The following TRPC1 variants were observed in gnomAD, a reference collection of about 807,000 sequenced individuals.
The protein encoded by TRPC1 is short transient receptor potential channel 1.
Under a neutral mutation model 88.2 loss-of-function variants are expected in TRPC1, and 42 were observed. The ratio of observed to expected loss-of-function variants is 0.48; its 90% CI spans 0.37 to 0.62. The LOEUF is 0.62. Among genes scored for constraint, TRPC1 ranks in the 20% least tolerant of loss-of-function variants. The probability of loss-of-function intolerance (pLI) is 0.00; values close to 1 mark genes in which losing one functional copy is unlikely to be tolerated. For missense variants in TRPC1, 699 were observed against 957.3 expected (o/e 0.73, Z 3.56); for synonymous variants, 288 against 331.8 (o/e 0.87, Z 1.43).
intron 3 of TRPC1, 72 bp downstream of exon 3, chr3:142,743,658 T>C: frequency 2.2e-6 from 2 of 916,982 alleles, no homozygotes; most frequent in Non-Finnish European, 3.0e-6. Context: ...TTGCCATTTT[T>C]TCCTTCCCTC....
intron 1 of TRPC1, among the ~76,000 whole-genome samples, chr3:142,732,125 G>T (rs1250784742): frequency 6.6e-6 from 1 of 152,186 alleles, no homozygotes; most frequent in Non-Finnish European, 1.5e-5. Flanking sequence ...AGGGAAAAGA[G>T]TAAACAAGGA....
At chr3:142,734,636 CCTT>C (rs1934051725) in intron 1 of TRPC1, among the ~76,000 whole-genome samples, 1 of 151,934 alleles carries the variant, frequency 6.6e-6, no homozygotes, top group Non-Finnish European at 1.5e-5. Context: ...GGGTAGAAGT[CCTT>C]AGATTTAGAA....
At chr3:142,757,578 C>T (rs1170824263) in intron 4 of TRPC1, among the ~76,000 whole-genome samples, 3 of 149,490 alleles carry the variant, frequency 2.0e-5, no homozygotes, top group African/African-American at 7.4e-5. Flanking sequence ...TGTTCTCACT[C>T]ATAAGTGGGA....
chr3:142,731,717 G>A (rs1289323687), intron 1 of TRPC1, among the ~76,000 whole-genome samples: 3 of 152,098 alleles, frequency 2.0e-5, no homozygotes, highest in Admixed American at 6.6e-5. Flanking sequence ...AACTCTAGCT[G>A]TGGAGTGCAG....
At chr3:142,778,280 A>C (rs1010840318) in intron 5 of TRPC1, among the ~76,000 whole-genome samples, 1 of 152,204 alleles carries the variant, frequency 6.6e-6, no homozygotes, top group Non-Finnish European at 1.5e-5. Context: ...ATACATGTAA[A>C]CATAAAAATA....
intron 9 of TRPC1, among the ~76,000 whole-genome samples, chr3:142,800,918 G>A (rs9835955): frequency 0.39 from 52,438 of 134,384 alleles, 12,519 homozygotes; most frequent in African/African-American, 0.71. Flanking sequence ...GTCTTAAAAA[G>A]AAAGAAAAAA....
chr3:142,791,380 T>G (rs1936292378), intron 8 of TRPC1, among the ~76,000 whole-genome samples: 1 of 152,168 alleles, frequency 6.6e-6, no homozygotes, highest in African/African-American at 2.4e-5. Context: ...GGGACCATAG[T>G]TCACATTTGG....
intron 4 of TRPC1, among the ~76,000 whole-genome samples, chr3:142,755,545 T>C (rs1222713149): frequency 3.9e-5 from 6 of 152,244 alleles, no homozygotes; most frequent in Non-Finnish European, 8.8e-5. Context: ...CAGAATTCCA[T>C]TCATGTTTCC....
intron 4 of TRPC1, among the ~76,000 whole-genome samples, chr3:142,755,833 G>C (rs1429408724): frequency 6.6e-6 from 1 of 152,172 alleles, no homozygotes; most frequent in Non-Finnish European, 1.5e-5. Context: ...TTTAAAGTGT[G>C]TAACTATTAC....
intron 9 of TRPC1, among the ~76,000 whole-genome samples, chr3:142,796,446 A>G (rs1401423556): frequency 6.6e-6 from 1 of 152,106 alleles, no homozygotes; most frequent in Non-Finnish European, 1.5e-5. Flanking sequence ...ATGGCCACAC[A>G]GCACTCTACC....
chr3:142,756,777 T>A (rs1934982235), intron 4 of TRPC1, among the ~76,000 whole-genome samples: 1 of 152,212 alleles, frequency 6.6e-6, no homozygotes, highest in Admixed American at 6.5e-5. Context: ...AAAATTTTTT[T>A]ATTTCTTGTT....
intron 7 of TRPC1, among the ~76,000 whole-genome samples, chr3:142,786,881 T>G (rs1010704802): frequency 6.6e-6 from 1 of 152,168 alleles, no homozygotes; most frequent in Non-Finnish European, 1.5e-5. Flanking sequence ...TTTACCCCAG[T>G]CTGTATAAGA....
chr3:142,749,909 A>G (rs1934693234), intron 4 of TRPC1, among the ~76,000 whole-genome samples: 1 of 152,164 alleles, frequency 6.6e-6, no homozygotes, highest in Admixed American at 6.5e-5. Context: ...TACACCTTAT[A>G]CAAAAATTAA....
At chr3:142,766,730 A>C (rs544860957) in intron 4 of TRPC1, among the ~76,000 whole-genome samples, 1 of 152,208 alleles carries the variant, frequency 6.6e-6, no homozygotes, top group African/African-American at 2.4e-5. Context: ...CTGGACTCCA[A>C]GTTCTTCAGT....
intron 1 of TRPC1, among the ~76,000 whole-genome samples, chr3:142,726,174 A>G (rs2108001127): frequency 6.6e-6 from 1 of 152,308 alleles, no homozygotes; most frequent in East Asian, 1.9e-4. Flanking sequence ...TACTAAAATG[A>G]GTAAGTGCTG....
intron 7 of TRPC1, among the ~76,000 whole-genome samples, chr3:142,786,657 T>C (rs915047255): frequency 2.0e-5 from 3 of 152,174 alleles, no homozygotes; most frequent in African/African-American, 7.2e-5. Flanking sequence ...TGAAATATGT[T>C]TGTATTGCTA....
intron 9 of TRPC1, 90 bp downstream of exon 9, chr3:142,793,057 G>T (rs1936340795): frequency 1.8e-6 from 2 of 1,142,470 alleles, no homozygotes; most frequent in Non-Finnish European, 1.2e-6. Flanking sequence ...GTTCTCTCAT[G>T]ATATTAAAGC....
chr3:142,748,747 A>G lies in TRPC1; in HGVS notation c.632+287A>G, dbSNP rs543598919. Among the ~76,000 whole-genome samples the G allele has an allele frequency of 9.3e-4, 142 of 152,328 alleles. 1 individual carries two copies. The highest frequency in any genetic ancestry group is 1.5e-3 in the Non-Finnish European group (105 of 68,018). ...TTTTAGAGGCAGAGTTTATTAATCC[A>G]AGAGAAGTTCCAAGTCGTGGAAGGA... On this transcript the variant is annotated intron_variant, in intron 4 of 12. Transcript: ENST00000476941.
chr3:142,777,410 A>C (rs1308712318), intron 4 of TRPC1, among the ~76,000 whole-genome samples: 1 of 152,192 alleles, frequency 6.6e-6, no homozygotes, highest in Non-Finnish European at 1.5e-5. Context: ...AGACAGTAAA[A>C]AAATTTTCTA....
Sources: gnomAD v4.1 joint callset for allele counts (sites outside exome capture counted in the v4.1 genomes callset) on GRCh38, gnomAD v4.1.1 for gene constraint, MANE v1.5 for transcripts, NCBI Gene and HGNC (gene_info 2026-07-23, HGNC 2026-07-21) for gene names.